The following ADAMTS20 variants were observed in gnomAD, a reference collection of about 807,000 sequenced individuals.
ADAMTS20 encodes the protein A disintegrin and metalloproteinase with thrombospondin motifs 20.
In ADAMTS20, 225 loss-of-function variants were observed where a neutral mutation model predicts 260.1. The ratio of observed to expected loss-of-function variants is 0.87; its 90% CI spans 0.78 to 0.97. The LOEUF (loss-of-function observed/expected upper bound fraction) is 0.97. ADAMTS20 is among the 50% of genes least tolerant of loss of function. The pLI, the probability that ADAMTS20 is intolerant of heterozygous loss-of-function variation, is 0.00. For missense variants in ADAMTS20, 2,400 were observed against 2,337.7 expected (o/e 1.03, Z -0.55); for synonymous variants, 802 against 769.5 (o/e 1.04, Z -0.70).
At chr12:43,506,180 A>T (rs889340449) in intron 3 of ADAMTS20, among the ~76,000 whole-genome samples, 2 of 152,128 alleles carry the variant, frequency 1.3e-5, no homozygotes, top group Admixed American at 1.3e-4. Context: ...ATGCTGTGAC[A>T]TATGACAACA....
intron 2 of ADAMTS20, among the ~76,000 whole-genome samples, chr12:43,546,435 A>T (rs1943441558): frequency 6.6e-6 from 1 of 152,040 alleles, no homozygotes; most frequent in South Asian, 2.1e-4. Flanking sequence ...CAGTTGAGTT[A>T]ATCCCCGAGG....
chr12:43,430,587 C>A, intron 22 of ADAMTS20, 116 bp from the exon 23 acceptor site: 2 of 971,204 alleles, frequency 2.1e-6, no homozygotes, highest in African/African-American at 1.6e-5. Context: ...TTTATCAATC[C>A]TTTATACTAG....
At chr12:43,495,291 T>G (rs184294497) in intron 4 of ADAMTS20, among the ~76,000 whole-genome samples, 3 of 152,312 alleles carry the variant, frequency 2.0e-5, no homozygotes, top group Admixed American at 6.5e-5. Flanking sequence ...ACAATTGTTA[T>G]GCAAGGTGGA....
rs368419833 is a variant in ADAMTS20, at chr12:43,421,282, C to CACAAAAAA, written c.4284+4231_4284+4232insTTTTTTGT. On this transcript the variant is annotated intron_variant, in intron 28 of 38. Coordinates refer to ENST00000389420, the MANE Select transcript of ADAMTS20 (RefSeq NM_025003.5). ...GGTTCAAGTAGCAAGCTTTCATTTA[C>CACAAAAAA]AAAAAAAAAAAAAAAACTTTCTCTT... is the stretch of plus-strand genomic sequence containing the variant. 2.3e-4 allele frequency among the ~76,000 whole-genome samples: 27 copies of CACAAAAAA among 118,876 alleles called. 1 individual carries two copies. Among genetic ancestry groups the CACAAAAAA allele is most frequent in the South Asian group, 5.4e-4 (2 of 3,702 alleles). 78.0% of individuals were successfully genotyped at this position (118,876 alleles called of 152,430 possible).
chr12:43,454,642 G>A (rs545078469), intron 11 of ADAMTS20, among the ~76,000 whole-genome samples: 154 of 152,236 alleles, frequency 1.0e-3, no homozygotes, highest in African/African-American at 3.6e-3. Context: ...CCCCCTGCTT[G>A]TGTACTTAAT....
chr12:43,369,645 C>T (rs956631601), intron 36 of ADAMTS20, among the ~76,000 whole-genome samples: 8 of 151,726 alleles, frequency 5.3e-5, no homozygotes, highest in East Asian at 1.9e-4. Flanking sequence ...AGAGTTAAAA[C>T]GAAATAAATG....
At chr12:43,417,080 CTTATT>C (rs1941146922) in intron 28 of ADAMTS20, among the ~76,000 whole-genome samples, 3 of 152,076 alleles carry the variant, frequency 2.0e-5, no homozygotes, top group African/African-American at 7.2e-5. Context: ...GTATGCCATT[CTTATT>C]TATCTTGTTT....
In ADAMTS20 at chr12:43,419,607, A is replaced by T. The variant is rs186835204; in HGVS notation, c.4284+5907T>A. ...TAGGAGAACTGCCATGGAAACATGG[A>T]CACTTTCACTTTCTTTAACATGGAA... On this transcript the variant is annotated intron_variant, in intron 28 of 38. Transcript: ENST00000389420. Among the ~76,000 whole-genome samples the T allele has an allele frequency of 8.5e-5, 13 of 152,266 alleles. No homozygotes were observed. The East Asian group carries it at 2.3e-3, about 27-fold the overall frequency.
intron 3 of ADAMTS20, among the ~76,000 whole-genome samples, chr12:43,509,404 T>A (rs950046305): frequency 2.6e-5 from 4 of 152,008 alleles, no homozygotes; most frequent in African/African-American, 9.7e-5. Context: ...AGCAATGGAA[T>A]CAACCATAAG....
At chr12:43,408,619 T>C (rs879941355) in intron 28 of ADAMTS20, among the ~76,000 whole-genome samples, 3 of 152,154 alleles carry the variant, frequency 2.0e-5, no homozygotes, top group Admixed American at 2.0e-4. Context: ...AAGAGAAATG[T>C]CAGAGTTGAG....
At chr12:43,415,340 A>C (rs1025404364) in intron 28 of ADAMTS20, among the ~76,000 whole-genome samples, 6 of 151,502 alleles carry the variant, frequency 4.0e-5, no homozygotes, top group African/African-American at 1.5e-4. Context: ...TGGATGTCTT[A>C]TTTCCATAAA....
chr12:43,375,166 G>A (rs1940194096), intron 36 of ADAMTS20, among the ~76,000 whole-genome samples: 1 of 106,706 alleles, frequency 9.4e-6, no homozygotes, highest in African/African-American at 3.7e-5. Flanking sequence ...GAGTGCAACT[G>A]CGTCTCAAAA....
At chr12:43,399,007 GAATT>G (rs1162874491) in intron 29 of ADAMTS20, 55 bp downstream of exon 29, 4 of 1,115,044 alleles carry the variant, frequency 3.6e-6, no homozygotes, top group Non-Finnish European at 4.6e-6. Context: ...AAATAAGAAT[GAATT>G]TTCTTTTTAA....
chr12:43,472,433 C>G (rs2137396313), intron 7 of ADAMTS20, among the ~76,000 whole-genome samples: 1 of 134,346 alleles, frequency 7.4e-6, no homozygotes, highest in East Asian at 2.2e-4. Flanking sequence ...TCCAGGAGAA[C>G]TTCCCCAATC....
chr12:43,405,417 CTAATAATAATA>C (rs1349671000), intron 28 of ADAMTS20, among the ~76,000 whole-genome samples: 42 of 135,764 alleles, frequency 3.1e-4, no homozygotes, highest in African/African-American at 1.2e-3. Flanking sequence ...GACGTCTTCT[CTAATAATAATA>C]ATAATAATAA....
chr12:43,549,175 T>G (rs1565590473), intron 2 of ADAMTS20, among the ~76,000 whole-genome samples: 1 of 90,216 alleles, frequency 1.1e-5, no homozygotes, highest in East Asian at 3.4e-4. Flanking sequence ...CTGATTAACT[T>G]ACACATAATA....
At chr12:43,362,576 T>C (rs1474357521) in intron 37 of ADAMTS20, among the ~76,000 whole-genome samples, 1 of 152,124 alleles carries the variant, frequency 6.6e-6, no homozygotes, top group Admixed American at 6.6e-5. Context: ...ATGGACACTC[T>C]CTCCAGTGAA....
chr12:43,410,856 G>T (rs1941017606), intron 28 of ADAMTS20, among the ~76,000 whole-genome samples: 1 of 152,146 alleles, frequency 6.6e-6, no homozygotes, highest in Non-Finnish European at 1.5e-5. Context: ...TTCCTAAAAA[G>T]AAATGGGCTA....
At position 43,380,348 on chromosome 12, in the gene ADAMTS20, TAA is replaced by T. The variant is rs149805143; in HGVS notation, c.4798-2788_4798-2787del. The stretch of plus-strand genomic sequence containing the variant: ...AGTTAGCATACTGAATTAGGAAAAC[TAA>T]AAGTTTTCCTACAGAGAGCAGGAAC... On this transcript the variant is annotated intron_variant, in intron 31 of 38. Coordinates refer to ENST00000389420, the MANE Select transcript of ADAMTS20 (RefSeq NM_025003.5). Among the ~76,000 whole-genome samples the T allele has an allele frequency of 8.0e-3, 1,212 of 152,200 alleles. 19 individuals are homozygous for T. The highest frequency in any genetic ancestry group is 0.028 in the African/African-American group (1,160 of 41,550).
Sources: allele counts gnomAD v4.1 joint callset (sites outside exome capture counted in the v4.1 genomes callset), GRCh38; gene constraint gnomAD v4.1.1; transcripts MANE v1.5; gene names NCBI Gene and HGNC (gene_info 2026-07-23, HGNC 2026-07-21).